Variants in UTP3 observed in about 807,000 individuals in gnomAD.
The protein encoded by UTP3 is something about silencing protein 10.
In UTP3, 19 loss-of-function variants were observed where a neutral mutation model predicts 37.9. The observed-to-expected ratio is 0.50, with a 90% CI of 0.35 to 0.74. The LOEUF is 0.74. UTP3 is among the 30% of genes least tolerant of loss of function. The pLI is 0.01. For synonymous variants in UTP3, 242 were observed against 218.5 expected (o/e 1.11, Z -0.95); for missense variants, 504 against 570.7 (o/e 0.88, Z 1.19).
chr4:70,688,741 C>T lies in UTP3; in HGVS notation c.64C>T (p.Pro22Ser), dbSNP rs757572209. ...GGCAGCTGTGCGAGCCAAGGCAGGT[C>T]CCACGCTCACCGACGAAAATGGAGA... The part of the protein sequence containing the change: ...KWAAVRAKAG[P>S]TLTDENGDDL... Residue 22 changes from proline (P) to serine (S), a missense_variant, in exon 1 of 1, where the codon CCC (proline) becomes TCC (serine). Transcript: ENST00000254803. 3 of 1,614,020 alleles carry T rather than the reference C, an allele frequency of 1.9e-6. No individual in the cohort carries two copies. The highest frequency in any genetic ancestry group is 2.2e-5 in the East Asian group (1 of 44,892).
chr4:70,688,817 A>T lies in UTP3; in HGVS notation c.140A>T (p.Gln47Leu). The part of the protein sequence containing the change: ...SPGDTSYYQD[Q>L]VDDFHEARSR... ...GGGGACACCAGCTACTACCAAGATC[A>T]GGTAGATGACTTTCATGAGGCACGA... is the stretch of plus-strand genomic sequence containing the variant. Residue 47 changes from glutamine (Q) to leucine (L), a missense_variant, in exon 1 of 1, where the codon CAG becomes CTG. Physicochemically the swap from Gln to Leu is moderately radical, Grantham distance 113 (BLOSUM62 -2). Transcript: ENST00000254803. The T allele has an allele frequency of 1.9e-6, 3 of 1,614,192 alleles. No individual in the cohort carries two copies. The highest frequency in any genetic ancestry group is 1.7e-6 in the Non-Finnish European group (2 of 1,180,042).
Position 70,689,693 on chromosome 4 carries a change from C to T in UTP3, c.1016C>T (p.Pro339Leu). ...GATGCTGTAAAGAAAGAACTGATTCCAAAAGCAAAATCCACCAAGCCCAAA... is the reference window on the plus strand; with the variant it reads ...GATGCTGTAAAGAAAGAACTGATTCTAAAAGCAAAATCCACCAAGCCCAAA... ...KDDAVKKELI[P>L]KAKSTKPKPK... Residue 339 changes from proline to leucine, a missense_variant, in exon 1 of 1, where the codon CCA becomes CTA. Physicochemically the swap from Pro to Leu is moderately conservative, Grantham distance 98. Coordinates refer to ENST00000254803, the MANE Select transcript of UTP3 (RefSeq NM_020368.3). 4 of 1,614,160 alleles carry T rather than the reference C, an allele frequency of 2.5e-6. No individual in the cohort carries two copies. The highest frequency in any genetic ancestry group is 1.1e-5 in the South Asian group (1 of 91,086).
At position 70,688,854 on chromosome 4, in the gene UTP3, C is replaced by T. The variant is rs1739561956; in HGVS notation, c.177C>T (p.Ala59=). Residue 59 remains alanine (A), a synonymous_variant, in exon 1 of 1, where the codon GCC becomes GCT. Coordinates refer to ENST00000254803, the MANE Select transcript of UTP3 (RefSeq NM_020368.3). ...TTCATGAGGCACGATCCCGGGCCGC[C>T]TTAGCTAAGGGCTGGAATGAAGTAC... ...DDFHEARSRA[A]LAKGWNEVQS... 2 of 1,614,008 alleles carry T rather than the reference C, an allele frequency of 1.2e-6. No individual in the cohort carries two copies. The highest frequency in any genetic ancestry group is 1.7e-5 in the Admixed American group (1 of 59,986).
Position 70,690,180 on chromosome 4 carries a change from AGTC to A in UTP3, c.*64_*66del, listed in dbSNP as rs1172928640. On this transcript the variant is annotated 3_prime_UTR_variant, in exon 1 of 1. Coordinates refer to ENST00000254803, the MANE Select transcript of UTP3 (RefSeq NM_020368.3). ...TCAATAAATTTTTACTTTTAACTAA[AGTC>A]ATTGTATTAATATATAATACTTTAA... 6.7e-7 allele frequency: 1 copy of A among 1,486,264 alleles called. No homozygotes were observed. Among genetic ancestry groups the A allele is most frequent in the Non-Finnish European group, 8.9e-7 (1 of 1,117,754 alleles). The allele number at this position is 1,486,264 out of a possible 1,614,324, so 92.1% of individuals were successfully genotyped here.
In UTP3 at chr4:70,689,420, T is replaced by TA. The variant is rs764909696; in HGVS notation, c.744dup (p.Glu249ArgfsTer40). Reference sequence around the variant, plus strand: ...GTTAAGGATGAGCTGGAGCCATTGTTAGAGTTGGTGGAACAAGGGATCATT... The same window carrying TA: ...GTTAAGGATGAGCTGGAGCCATTGTTAAGAGTTGGTGGAACAAGGGATCATT... On this transcript the variant is annotated frameshift_variant, in exon 1 of 1. Coordinates refer to ENST00000254803, the MANE Select transcript of UTP3 (RefSeq NM_020368.3). LOFTEE classifies it high-confidence loss of function. 3.1e-6 allele frequency: 5 copies of TA among 1,614,176 alleles called. No homozygotes were observed. The highest frequency in any genetic ancestry group is 4.2e-6 in the Non-Finnish European group (5 of 1,180,026).
rs780674293 is a variant in UTP3, at chr4:70,689,002, G to A, written c.325G>A (p.Asp109Asn). The A allele has an allele frequency of 4.4e-6, 7 of 1,592,094 alleles. No individual in the cohort carries two copies. The highest frequency in any genetic ancestry group is 6.0e-6 in the Non-Finnish European group (7 of 1,167,934). The change falls in exon 1 of 1, where the codon GAT (aspartate) becomes AAT (asparagine). Residue 109 changes from aspartate (D) to asparagine (N), a missense_variant. Coordinates refer to ENST00000254803, the MANE Select transcript of UTP3 (RefSeq NM_020368.3). ...GGAGGAGGAGGAGGAGAATGCCGAT[G>A]ATGATGGTGGGAGCTCCGTGCAAAG... ...GEEEEEENAD[D>N]DGGSSVQSEA...
Position 70,688,978 on chromosome 4 carries a change from G to A in UTP3, c.301G>A (p.Glu101Lys), listed in dbSNP as rs1407612241. 1.3e-6 allele frequency: 2 copies of A among 1,596,784 alleles called. No homozygotes were observed. Among genetic ancestry groups the A allele is most frequent in the South Asian group, 2.3e-5 (2 of 87,878 alleles). ...DDEDGGNAGE[E>K]EEEENADDDG... ...CGAAGATGGAGGGAATGCGGGGGAG[G>A]AGGAGGAGGAGGAGAATGCCGATGA... The change falls in exon 1 of 1, where the codon GAG becomes AAG. Residue 101 changes from glutamate to lysine, a missense_variant. Coordinates refer to ENST00000254803, the MANE Select transcript of UTP3 (RefSeq NM_020368.3).
In UTP3 at chr4:70,688,593, C is replaced by A; in HGVS notation, c.-85C>A. ...GGGAGCGCGCTGCTGTTTAGAGCCA[C>A]GAGTTACCGGAGCGCCTGATTCCTG... On this transcript the variant is annotated 5_prime_UTR_variant, in exon 1 of 1. Transcript: ENST00000254803. 2 of 1,399,552 alleles carry A rather than the reference C, an allele frequency of 1.4e-6. No individual in the cohort carries two copies. Among genetic ancestry groups the A allele is most frequent in the Non-Finnish European group, 9.6e-7 (1 of 1,036,912 alleles). 86.7% of individuals were successfully genotyped at this position (1,399,552 alleles called of 1,614,324 possible).
rs777462260 is a variant in UTP3 at position 70,688,906 on chromosome 4, G to A, written c.229G>A (p.Glu77Lys). 14 of 1,612,648 alleles carry A rather than the reference G, an allele frequency of 8.7e-6. No individual in the cohort carries two copies. The highest frequency in any genetic ancestry group is 1.1e-5 in the Non-Finnish European group (13 of 1,179,118). Residue 77 changes from glutamate to lysine, a missense_variant, in exon 1 of 1, where the codon GAG becomes AAG. Physicochemically the swap from Glu to Lys is moderately conservative, Grantham distance 56 (BLOSUM62 1). Coordinates refer to ENST00000254803, the MANE Select transcript of UTP3 (RefSeq NM_020368.3). ...GAGTGGAGACGAGGAGGATGGCGAG[G>A]AGGAGGAGGAGGAGGTGCTAGCCCT... Reference protein sequence around the residue: ...VQSGDEEDGEEEEEEVLALDM... With the variant: ...VQSGDEEDGEKEEEEVLALDM...
Position 70,689,112 on chromosome 4 carries a change from C to G in UTP3, c.435C>G (p.Ser145=). ...ATGACACGGACTATGGTTCCAAGTC[C>G]CGAGGCCGGCAGAGTCAACAGGAGG... is the stretch of plus-strand genomic sequence containing the variant. ...LYYDTDYGSK[S]RGRQSQQEAE... is the part of the protein sequence containing the mutation. The change falls in exon 1 of 1, where the codon TCC becomes TCG. Residue 145 remains serine, a synonymous_variant. Transcript: ENST00000254803. The G allele has an allele frequency of 2.5e-6, 4 of 1,612,856 alleles. No individual in the cohort carries two copies. Among genetic ancestry groups the G allele is most frequent in the Non-Finnish European group, 3.4e-6 (4 of 1,179,612 alleles).
In UTP3 at chr4:70,688,630, G is replaced by A. The variant is rs1339194976; in HGVS notation, c.-48G>A. ...GCGCCTGATTCCTGCGCCGAAGTCA[G>A]TGGTGGCCGAAAGTCCGGAGTCGCT... On this transcript the variant is annotated 5_prime_UTR_variant, in exon 1 of 1. It adds an upstream start codon to the 5' untranslated region. Coordinates refer to ENST00000254803, the MANE Select transcript of UTP3 (RefSeq NM_020368.3). 1.9e-6 allele frequency: 3 copies of A among 1,552,110 alleles called. No individual in the cohort carries two copies. Among genetic ancestry groups the A allele is most frequent in the South Asian group, 1.2e-5 (1 of 82,550 alleles).
chr4:70,690,322 A>G lies in UTP3; in HGVS notation c.*205A>G. 2.3e-6 allele frequency: 1 copy of G among 440,770 alleles called. No homozygotes were observed. Among genetic ancestry groups the G allele is most frequent in the Non-Finnish European group, 3.8e-6 (1 of 265,686 alleles). The allele number at this position is 440,770 out of a possible 1,614,324, so 27.3% of individuals were successfully genotyped here. On this transcript the variant is annotated 3_prime_UTR_variant, in exon 1 of 1. Transcript: ENST00000254803. The stretch of plus-strand genomic sequence containing the variant: ...AAAGAGATGATGTTGAAGTTTTCCA[A>G]TATTCTGTTGAAGTTTTCCAATATT...
In UTP3 at chr4:70,689,236, G is replaced by A; in HGVS notation, c.559G>A (p.Glu187Lys). The part of the protein sequence containing the change: ...QEDDFGVAWV[E>K]AFAKPVPQVD... ...GGATGATTTTGGTGTCGCCTGGGTT[G>A]AGGCCTTTGCAAAACCAGTGCCTCA... Residue 187 changes from glutamate (E) to lysine (K), a missense_variant, in exon 1 of 1, where the codon GAG becomes AAG. Physicochemically the swap from Glu to Lys is moderately conservative, Grantham distance 56. Transcript: ENST00000254803. 1 of 1,614,204 alleles carries A rather than the reference G, an allele frequency of 6.2e-7. No individual in the cohort carries two copies. The highest frequency in any genetic ancestry group is 8.5e-7 in the Non-Finnish European group (1 of 1,180,034).
chr4:70,689,102 G>T lies in UTP3; in HGVS notation c.425G>T (p.Gly142Val). Residue 142 changes from glycine (G) to valine (V), a missense_variant, in exon 1 of 1, where the codon GGT (glycine) becomes GTT (valine). By Grantham distance (109) the Gly-to-Val change is moderately radical (BLOSUM62 -3). Coordinates refer to ENST00000254803, the MANE Select transcript of UTP3 (RefSeq NM_020368.3). ...AAACTTTACTATGACACGGACTATG[G>T]TTCCAAGTCCCGAGGCCGGCAGAGT... is the stretch of plus-strand genomic sequence containing the variant. ...RKKLYYDTDYGSKSRGRQSQQ... is the reference protein window; with the variant it reads ...RKKLYYDTDYVSKSRGRQSQQ... The T allele has an allele frequency of 1.9e-6, 3 of 1,612,928 alleles. No individual in the cohort carries two copies. The highest frequency in any genetic ancestry group is 2.5e-6 in the Non-Finnish European group (3 of 1,179,546).
rs1031187497 is a variant in UTP3 at position 70,689,011 on chromosome 4, G to A, written c.334G>A (p.Gly112Arg). 2.5e-6 allele frequency: 4 copies of A among 1,590,640 alleles called. No homozygotes were observed. The highest frequency in any genetic ancestry group is 2.6e-6 in the Non-Finnish European group (3 of 1,167,528). The change falls in exon 1 of 1, where the codon GGG (glycine) becomes AGG (arginine). Residue 112 changes from glycine (G) to arginine (R), a missense_variant. Gly to Arg is a moderately radical substitution (Grantham distance 125). Coordinates refer to ENST00000254803, the MANE Select transcript of UTP3 (RefSeq NM_020368.3). The part of the protein sequence containing the change: ...EEEENADDDG[G>R]SSVQSEAEAS... ...GGAGGAGAATGCCGATGATGATGGT[G>A]GGAGCTCCGTGCAAAGTGAAGCTGA... is the stretch of plus-strand genomic sequence containing the variant.
chr4:70,688,941 C>T lies in UTP3; in HGVS notation c.264C>T (p.Asp88=), dbSNP rs772272338. The change falls in exon 1 of 1, where the codon GAC becomes GAT. Residue 88 remains aspartate, a synonymous_variant. Transcript: ENST00000254803. ...AGGAGGTGCTAGCCCTAGATATGGA[C>T]GATGAGGACGACGAAGATGGAGGGA... ...EEEEVLALDM[D]DEDDEDGGNA... 1.7e-5 allele frequency: 28 copies of T among 1,608,400 alleles called. No individual in the cohort carries two copies. Among genetic ancestry groups the T allele is most frequent in the Non-Finnish European group, 2.4e-5 (28 of 1,176,860 alleles).
Position 70,690,085 on chromosome 4 carries a change from G to T in UTP3, c.1408G>T (p.Ala470Ser). 6.2e-7 allele frequency: 1 copy of T among 1,607,842 alleles called. No homozygotes were observed. Among genetic ancestry groups the T allele is most frequent in the Non-Finnish European group, 8.5e-7 (1 of 1,178,248 alleles). Residue 470 changes from alanine (A) to serine (S), a missense_variant, in exon 1 of 1, where the codon GCA (alanine) becomes TCA (serine). Coordinates refer to ENST00000254803, the MANE Select transcript of UTP3 (RefSeq NM_020368.3). ...TAGTGGTGAATTATCTGGCATTCGT[G>T]CAGGAGTTAAAAAGAGCATTAAGCT... ...RYSGELSGIR[A>S]GVKKSIKLK
At position 70,688,609 on chromosome 4, in the gene UTP3, C is replaced by T; in HGVS notation, c.-69C>T. ...TTAGAGCCACGAGTTACCGGAGCGC[C>T]TGATTCCTGCGCCGAAGTCAGTGGT... On this transcript the variant is annotated 5_prime_UTR_variant, in exon 1 of 1. Coordinates refer to ENST00000254803, the MANE Select transcript of UTP3 (RefSeq NM_020368.3). 6.7e-7 allele frequency: 1 copy of T among 1,493,478 alleles called. No individual in the cohort carries two copies. Among genetic ancestry groups the T allele is most frequent in the Non-Finnish European group, 9.0e-7 (1 of 1,112,998 alleles). 92.5% of individuals were successfully genotyped at this position (1,493,478 alleles called of 1,614,324 possible). A position where few individuals can be genotyped will look rare whatever the true frequency, so the allele number is the denominator to read the frequency against.
Position 70,689,317 on chromosome 4 carries a change from G to T in UTP3, c.640G>T (p.Glu214Ter). The T allele has an allele frequency of 6.2e-7, 1 of 1,614,196 alleles. No individual in the cohort carries two copies. Among genetic ancestry groups the T allele is most frequent in the Non-Finnish European group, 8.5e-7 (1 of 1,180,038 alleles). ...VKDLAKVSVK[E>*]KLKMLRKESP... ...GGATTTGGCTAAAGTTTCAGTGAAAGAGAAGCTGAAAATGTTGCGAAAGGA... is the reference window on the plus strand; with the variant it reads ...GGATTTGGCTAAAGTTTCAGTGAAATAGAAGCTGAAAATGTTGCGAAAGGA... The change falls in exon 1 of 1, where the codon GAG becomes TAG. Residue 214 changes from glutamate (E) to a stop codon, truncating the protein, a stop_gained. Coordinates refer to ENST00000254803, the MANE Select transcript of UTP3 (RefSeq NM_020368.3). LOFTEE classifies it high-confidence loss of function.
Sources: allele counts gnomAD v4.1 joint callset, GRCh38; gene constraint gnomAD v4.1.1; transcripts MANE v1.5; gene names NCBI Gene and HGNC (gene_info 2026-07-23, HGNC 2026-07-21).